Variants in CALN1 observed in about 807,000 individuals in gnomAD.
CALN1 encodes calneuron 1.
A neutral mutation model predicts 30.6 loss-of-function variants in CALN1; 17 were observed. That is an observed-to-expected ratio of 0.56 (90% CI 0.38 to 0.83). The LOEUF is 0.83. CALN1 is among the 40% of genes least tolerant of loss of function. The pLI, the probability that CALN1 is intolerant of heterozygous loss-of-function variation, is 0.00. For synonymous variants in CALN1, 156 were observed against 131.4 expected (o/e 1.19, Z -1.28); for missense variants, 291 against 354.9 (o/e 0.82, Z 1.45).
intron 4 of CALN1, among the ~76,000 whole-genome samples, chr7:72,034,795 CAAAAAAAA>C (rs57756121): frequency 5.7e-5 from 3 of 52,632 alleles, no homozygotes; most frequent in South Asian, 1.0e-3. Context: ...GACTCTGTCT[CAAAAAAAA>C]AAAAAAAAAA....
chr7:72,167,784 A>G (rs1399456368), intron 3 of CALN1, among the ~76,000 whole-genome samples: 2 of 152,222 alleles, frequency 1.3e-5, no homozygotes, highest in Admixed American at 6.5e-5. Flanking sequence ...CAAACATCCT[A>G]ATTTCCAACC....
At chr7:72,324,177 G>A (rs1474206352) in intron 2 of CALN1, among the ~76,000 whole-genome samples, 1 of 152,114 alleles carries the variant, frequency 6.6e-6, no homozygotes, top group East Asian at 1.9e-4. Context: ...AGACTCCTGG[G>A]ATGTGATTAG....
intron 5 of CALN1, among the ~76,000 whole-genome samples, chr7:71,868,868 A>G (rs1388182160): frequency 6.6e-6 from 1 of 152,200 alleles, no homozygotes; most frequent in African/African-American, 2.4e-5. Flanking sequence ...AGTGATAATA[A>G]GAGTTCAATC....
intron 2 of CALN1, among the ~76,000 whole-genome samples, chr7:72,393,078 A>G (rs1346160569): frequency 6.6e-6 from 1 of 152,056 alleles, no homozygotes; most frequent in East Asian, 1.9e-4. Flanking sequence ...TTTTCCATGA[A>G]AGGGTTTCTA....
At chr7:72,020,498 G>A (rs764449653) in intron 5 of CALN1, among the ~76,000 whole-genome samples, 13 of 152,090 alleles carry the variant, frequency 8.5e-5, no homozygotes, top group African/African-American at 1.2e-4. Flanking sequence ...GCAGTCGCAG[G>A]GGGAAGAAGG....
rs1222366084 is a variant in CALN1 at position 71,801,399 on chromosome 7, T to C, written c.658+8937A>G. Reference sequence around the variant, plus strand: ...GGTTATGTATGTATGTATGTATGTATGTATGTATGTATGTATGTATGTATG... The same window carrying C: ...GGTTATGTATGTATGTATGTATGTACGTATGTATGTATGTATGTATGTATG... On this transcript the variant is annotated intron_variant, in intron 6 of 6. Coordinates refer to ENST00000395275, the MANE Select transcript of CALN1 (RefSeq NM_031468.4). Among the ~76,000 whole-genome samples the C allele has an allele frequency of 7.2e-5, 9 of 125,728 alleles. No individual in the cohort carries two copies. In the East Asian group the frequency reaches 2.1e-3, roughly 29 times the overall value. 82.5% of individuals were successfully genotyped at this position (125,728 alleles called of 152,430 possible). A position where few individuals can be genotyped will look rare whatever the true frequency, so the allele number is the denominator to read the frequency against.
chr7:72,441,340 G>A (rs1443097262), intron 1 of CALN1, among the ~76,000 whole-genome samples: 1 of 152,036 alleles, frequency 6.6e-6, no homozygotes, highest in Admixed American at 6.6e-5. Flanking sequence ...ACTCATGCCT[G>A]TAATCCCAGC....
intron 3 of CALN1, among the ~76,000 whole-genome samples, chr7:72,261,172 G>C (rs765700770): frequency 1.5e-4 from 23 of 152,132 alleles, no homozygotes; most frequent in Non-Finnish European, 3.2e-4. Flanking sequence ...GCCAGGTGTG[G>C]TGGCACGCAC....
chr7:71,831,335 C>A (rs1789263578), intron 5 of CALN1, among the ~76,000 whole-genome samples: 2 of 152,026 alleles, frequency 1.3e-5, no homozygotes, highest in Non-Finnish European at 2.9e-5. Flanking sequence ...AAAAAATTAG[C>A]CGGGTGCAGT....
At chr7:72,061,002 A>AC (rs1482143371) in intron 4 of CALN1, among the ~76,000 whole-genome samples, 1 of 152,202 alleles carries the variant, frequency 6.6e-6, no homozygotes, top group African/African-American at 2.4e-5. Flanking sequence ...AAAATACTAC[A>AC]CAGCTCCCAG....
chr7:72,174,075 T>C (rs1359729499), intron 3 of CALN1, among the ~76,000 whole-genome samples: 4 of 151,948 alleles, frequency 2.6e-5, no homozygotes, highest in Non-Finnish European at 5.9e-5. Flanking sequence ...AAAGAATTTA[T>C]ATAGCTAAAA....
chr7:72,284,419 T>C (rs1346479526), intron 2 of CALN1, among the ~76,000 whole-genome samples: 1 of 152,226 alleles, frequency 6.6e-6, no homozygotes, highest in African/African-American at 2.4e-5. Flanking sequence ...GATATTTGGT[T>C]GAACATTATT....
chr7:71,934,089 A>T (rs1033314159), intron 5 of CALN1, among the ~76,000 whole-genome samples: 1 of 152,180 alleles, frequency 6.6e-6, no homozygotes, highest in African/African-American at 2.4e-5. Context: ...CTGATATCAA[A>T]TTTTTTTAAA....
At chr7:72,189,473 C>A (rs1790448718) in intron 3 of CALN1, among the ~76,000 whole-genome samples, 1 of 152,128 alleles carries the variant, frequency 6.6e-6, no homozygotes, top group Non-Finnish European at 1.5e-5. Context: ...CAAGTTACTG[C>A]AGGCTGGGCA....
intron 2 of CALN1, among the ~76,000 whole-genome samples, chr7:72,365,242 C>A (rs1216570397): frequency 5.3e-5 from 8 of 151,924 alleles, no homozygotes; most frequent in Non-Finnish European, 8.8e-5. Flanking sequence ...GAGGGTTCAG[C>A]AAGACCCCAT....
At chr7:72,125,850 A>G (rs1216257648) in intron 3 of CALN1, among the ~76,000 whole-genome samples, 2 of 135,840 alleles carry the variant, frequency 1.5e-5, no homozygotes, top group Admixed American at 8.3e-5. Context: ...CGCCCAGGCT[A>G]GAGTGCAGTG....
At chr7:72,012,613 C>T (rs935334257) in intron 5 of CALN1, among the ~76,000 whole-genome samples, 27 of 152,284 alleles carry the variant, frequency 1.8e-4, no homozygotes, top group African/African-American at 6.3e-4. Context: ...AGCATATTAA[C>T]TGGACATAAG....
At chr7:72,010,548 A>C (rs1399162158) in intron 5 of CALN1, among the ~76,000 whole-genome samples, 1 of 152,208 alleles carries the variant, frequency 6.6e-6, no homozygotes, top group Non-Finnish European at 1.5e-5. Context: ...GCGGTGGCTC[A>C]CATCTGTAAT....
intron 3 of CALN1, among the ~76,000 whole-genome samples, chr7:72,215,492 G>A: frequency 6.6e-6 from 1 of 151,230 alleles, no homozygotes; most frequent in East Asian, 2.0e-4. Context: ...TACTCTGGAG[G>A]CTAAGGCAGG....
Sources: allele counts gnomAD v4.1 joint callset (sites outside exome capture counted in the v4.1 genomes callset), GRCh38; gene constraint gnomAD v4.1.1; transcripts MANE v1.5; gene names NCBI Gene and HGNC (gene_info 2026-07-23, HGNC 2026-07-21).